Variants in RBM27 observed in about 807,000 individuals in gnomAD.
RBM27 encodes RNA binding motif protein 27.
Under a neutral mutation model 135.3 loss-of-function variants are expected in RBM27, and 22 were observed. That is an observed-to-expected ratio of 0.16 (90% CI 0.12 to 0.23). RBM27 has a LOEUF of 0.23. Ranked by LOEUF, RBM27 falls within the 10% of genes least tolerant of loss-of-function variation. The pLI is 1.00. For synonymous variants in RBM27, 481 were observed against 442.4 expected (o/e 1.09, Z -1.10); for missense variants, 1,009 against 1,281.0 (o/e 0.79, Z 3.24).
intron 12 of RBM27, among the ~76,000 whole-genome samples, chr5:146,261,173 G>T (rs1758378812): frequency 6.6e-6 from 1 of 152,208 alleles, no homozygotes; most frequent in Admixed American, 6.5e-5. Flanking sequence ...AGATCAAGGT[G>T]CTGGATGATT....
chr5:146,259,495 ACT>A (rs1023179826), intron 11 of RBM27, among the ~76,000 whole-genome samples: 2 of 134,274 alleles, frequency 1.5e-5, no homozygotes, highest in African/African-American at 5.8e-5. Context: ...AAAGAACAAA[ACT>A]CTGTCTCAAA....
chr5:146,221,275 C>T (rs1756453079), intron 2 of RBM27, among the ~76,000 whole-genome samples: 1 of 152,244 alleles, frequency 6.6e-6, no homozygotes, highest in Non-Finnish European at 1.5e-5. Flanking sequence ...AAATTTGCCA[C>T]CAGAGATAAA....
chr5:146,249,661 C>G (rs1009792632), intron 8 of RBM27, among the ~76,000 whole-genome samples: 1 of 134,132 alleles, frequency 7.5e-6, no homozygotes, highest in African/African-American at 2.9e-5. Flanking sequence ...CAGCTCCAGC[C>G]TGGGCGACAG....
chr5:146,243,838 A>T (rs1197282595), intron 8 of RBM27, among the ~76,000 whole-genome samples: 1 of 152,168 alleles, frequency 6.6e-6, no homozygotes, highest in Non-Finnish European at 1.5e-5. Context: ...GTCAATAAGG[A>T]CCCAAAGTAA....
At chr5:146,247,347 C>A (rs1485268658) in intron 8 of RBM27, among the ~76,000 whole-genome samples, 2 of 152,034 alleles carry the variant, frequency 1.3e-5, no homozygotes, top group Non-Finnish European at 2.9e-5. Flanking sequence ...TTATCACAGT[C>A]CCCCCCAAAA....
In RBM27 at chr5:146,208,047, C is replaced by T. The variant is rs182232660; in HGVS notation, c.59+4223C>T. ...TCTTGGCTCACTGCAACTTCTGCCT[C>T]CCGGGTTCAAGCAATTCTCCTGCCT... is the stretch of plus-strand genomic sequence containing the variant. On this transcript the variant is annotated intron_variant, in intron 1 of 20. Coordinates refer to ENST00000265271, the MANE Select transcript of RBM27 (RefSeq NM_018989.2). Among the ~76,000 whole-genome samples the T allele has an allele frequency of 5.3e-3, 772 of 146,964 alleles. 5 individuals are homozygous for T. The highest frequency in any genetic ancestry group is 0.019 in the African/African-American group (748 of 39,524).
At chr5:146,262,891 T>C (rs1207212455) in intron 13 of RBM27, among the ~76,000 whole-genome samples, 1 of 130,438 alleles carries the variant, frequency 7.7e-6, no homozygotes, top group Non-Finnish European at 1.6e-5. Flanking sequence ...TCTTTTTTCC[T>C]TTTTTTTTTT....
At chr5:146,281,000 G>A (rs1185478012) in intron 19 of RBM27, among the ~76,000 whole-genome samples, 1 of 151,970 alleles carries the variant, frequency 6.6e-6, no homozygotes, top group Admixed American at 6.6e-5. Flanking sequence ...TGGGATTACA[G>A]GCGCCCACCA....
At chr5:146,246,209 G>A (rs561618216) in intron 8 of RBM27, among the ~76,000 whole-genome samples, 1 of 151,988 alleles carries the variant, frequency 6.6e-6, no homozygotes, top group Non-Finnish European at 1.5e-5. Context: ...ATTTTTTCTG[G>A]ATTTGAGTTT....
chr5:146,254,995 T>C lies in RBM27; in HGVS notation c.1497T>C (p.Ser499=). Residue 499 remains serine, a synonymous_variant, in exon 10 of 21, where the codon TCT becomes TCC. Coordinates refer to ENST00000265271, the MANE Select transcript of RBM27 (RefSeq NM_018989.2). ...YNPEAPSITS[S]GRSQYRQFFS... is the part of the protein sequence containing the mutation. Reference sequence around the variant, plus strand: ...CAGAAGCTCCTAGTATTACTAGTTCTGGTAGATCTCAGTACAGACAGTTCT... The same window carrying C: ...CAGAAGCTCCTAGTATTACTAGTTCCGGTAGATCTCAGTACAGACAGTTCT... 1 of 1,598,906 alleles carries C rather than the reference T, an allele frequency of 6.3e-7. No homozygotes were observed. The highest frequency in any genetic ancestry group is 8.6e-7 in the Non-Finnish European group (1 of 1,166,454).
At chr5:146,228,699 C>G (rs1234369767) in intron 3 of RBM27, among the ~76,000 whole-genome samples, 1 of 152,096 alleles carries the variant, frequency 6.6e-6, no homozygotes, top group African/African-American at 2.4e-5. Flanking sequence ...CTTCTGGGTT[C>G]AAGCAGTCCT....
intron 20 of RBM27, among the ~76,000 whole-genome samples, chr5:146,285,563 A>G (rs1759546298): frequency 6.6e-6 from 1 of 152,130 alleles, no homozygotes. Context: ...AAACAATTGG[A>G]TGGATATAAA....
At chr5:146,237,490 A>C in intron 8 of RBM27, 58 bp downstream of exon 8, 196 of 1,546,496 alleles carry the variant, frequency 1.3e-4, no homozygotes, top group Non-Finnish European at 1.6e-4. Flanking sequence ...AAGTTGTCTC[A>C]TATCAGTATA....
At chr5:146,265,237 T>C (rs1360615917) in intron 14 of RBM27, among the ~76,000 whole-genome samples, 1 of 152,166 alleles carries the variant, frequency 6.6e-6, no homozygotes, top group Non-Finnish European at 1.5e-5. Flanking sequence ...ATGTAGTATA[T>C]CTACACAGTA....
chr5:146,223,603 CT>C, intron 3 of RBM27, 76 bp downstream of exon 3: 1 of 1,471,466 alleles, frequency 6.8e-7, no homozygotes, highest in Non-Finnish European at 9.1e-7. Context: ...GAAGTTGAGC[CT>C]TTTAAAAGTA....
In RBM27 at chr5:146,267,687, C is replaced by T. The variant is rs1322438099; in HGVS notation, c.2370C>T (p.Ser790=). The T allele has an allele frequency of 1.3e-6, 2 of 1,597,252 alleles. No homozygotes were observed. Among genetic ancestry groups the T allele is most frequent in the East Asian group, 2.2e-5 (1 of 44,540 alleles). ...CAGGCCATCCAAAAATGATTTACAG[C>T]TCCTCAAACTTAAAGACACCTTCAA... ...STPGHPKMIY[S]SSNLKTPSKL... is the part of the protein sequence containing the mutation. The change falls in exon 15 of 21, where the codon AGC becomes AGT. Residue 790 remains serine, a synonymous_variant. Coordinates refer to ENST00000265271, the MANE Select transcript of RBM27 (RefSeq NM_018989.2).
At chr5:146,253,957 C>G (rs1758001844) in intron 9 of RBM27, among the ~76,000 whole-genome samples, 2 of 152,104 alleles carry the variant, frequency 1.3e-5, no homozygotes, top group South Asian at 4.1e-4. Context: ...TGTATGTGCG[C>G]GTGTGTGCTT....
At chr5:146,251,947 A>T (rs1424871678) in intron 9 of RBM27, 72 bp downstream of exon 9, 2 of 1,489,110 alleles carry the variant, frequency 1.3e-6, no homozygotes, top group East Asian at 2.3e-5. Context: ...CTAAGCGGTG[A>T]CCTGGCATCC....
intron 1 of RBM27, among the ~76,000 whole-genome samples, chr5:146,211,246 C>A (rs954785734): frequency 3.9e-5 from 6 of 152,068 alleles, no homozygotes; most frequent in Admixed American, 2.6e-4. Context: ...AGCCACTGTA[C>A]TCCAGCCTGG....
Sources: allele counts gnomAD v4.1 joint callset (sites outside exome capture counted in the v4.1 genomes callset), GRCh38; gene constraint gnomAD v4.1.1; transcripts MANE v1.5; gene names NCBI Gene and HGNC (gene_info 2026-07-23, HGNC 2026-07-21).